Variants in MTMR7 observed in about 807,000 individuals in gnomAD.
MTMR7 encodes the protein phosphatidylinositol-3-phosphate phosphatase MTMR7.
Under a neutral mutation model 81.2 loss-of-function variants are expected in MTMR7, and 76 were observed. The observed-to-expected ratio is 0.94, with a 90% CI of 0.78 to 1.13. The LOEUF is 1.13. MTMR7 is among the 50% of genes most tolerant of loss of function. The pLI is 0.00. For missense variants in MTMR7, 1,044 were observed against 820.0 expected (o/e 1.27, Z -3.34); for synonymous variants, 372 against 289.8 (o/e 1.28, Z -2.88).
chr8:17,383,529 C>A (rs1820827003), intron 1 of MTMR7, among the ~76,000 whole-genome samples: 2 of 152,190 alleles, frequency 1.3e-5, no homozygotes, highest in South Asian at 4.1e-4. Flanking sequence ...TGTCCACTTC[C>A]CTGGATCTCT....
chr8:17,341,504 G>T lies in MTMR7; in HGVS notation c.598-7C>A. ...TGCTCCGGCAGATGGAGGCCTAGGG[G>T]GAGAGGTCACAGCAACACAGCACCA... is the stretch of plus-strand genomic sequence containing the variant. On this transcript the variant is annotated splice_polypyrimidine_tract_variant and splice_region_variant and intron_variant, in intron 5 of 13. Coordinates refer to ENST00000180173, the MANE Select transcript of MTMR7 (RefSeq NM_004686.5). 1 of 1,613,094 alleles carries T rather than the reference G, an allele frequency of 6.2e-7. No individual in the cohort carries two copies. The highest frequency in any genetic ancestry group is 8.5e-7 in the Non-Finnish European group (1 of 1,179,952).
At chr8:17,319,487 G>T (rs975309854) in intron 7 of MTMR7, among the ~76,000 whole-genome samples, 3 of 152,142 alleles carry the variant, frequency 2.0e-5, no homozygotes, top group Non-Finnish European at 2.9e-5. Flanking sequence ...CATCTCAAAT[G>T]CAAGTCTTCT....
intron 1 of MTMR7, among the ~76,000 whole-genome samples, chr8:17,395,649 T>C (rs1410575443): frequency 2.0e-5 from 3 of 152,222 alleles, no homozygotes; most frequent in African/African-American, 7.2e-5. Flanking sequence ...CTTATTGTGG[T>C]TCTGACCTGT....
chr8:17,309,141 A>G, intron 10 of MTMR7, 136 bp downstream of exon 10: 1 of 634,826 alleles, frequency 1.6e-6, no homozygotes, highest in South Asian at 1.9e-5. Flanking sequence ...TATGACATAT[A>G]CAACAAAATT....
In MTMR7 at chr8:17,361,127, C is replaced by G. The variant is rs1003928353; in HGVS notation, c.458G>C (p.Arg153Thr). ...GTTTCACGCACTCACTCTGTAGTCT[C>G]TATTCACATCGCTGAGCTGCCAGTA... ...NHYWQLSDVN[R>T]DYRVCDSYPT... The change falls in exon 4 of 14, where the codon AGA (arginine) becomes ACA (threonine). Residue 153 changes from arginine to threonine, a missense_variant. Arg to Thr is a moderately conservative substitution (Grantham distance 71). Coordinates refer to ENST00000180173, the MANE Select transcript of MTMR7 (RefSeq NM_004686.5). The G allele has an allele frequency of 3.1e-6, 5 of 1,614,028 alleles. No homozygotes were observed. The African/African-American group carries it at 6.7e-5, about 22-fold the overall frequency.
intron 4 of MTMR7, among the ~76,000 whole-genome samples, chr8:17,350,895 T>C (rs180837414): frequency 6.6e-6 from 1 of 152,206 alleles, no homozygotes; most frequent in South Asian, 2.1e-4. Context: ...GAGTTTAACA[T>C]GGCCTGTGGC....
chr8:17,307,586 T>G (rs1412149713), intron 10 of MTMR7, among the ~76,000 whole-genome samples: 2 of 151,950 alleles, frequency 1.3e-5, no homozygotes, highest in African/African-American at 4.8e-5. Context: ...CACATGCACA[T>G]GAATGTTTAT....
intron 5 of MTMR7, among the ~76,000 whole-genome samples, chr8:17,344,304 C>A (rs1023044934): frequency 3.9e-5 from 6 of 152,150 alleles, no homozygotes; most frequent in Non-Finnish European, 8.8e-5. Flanking sequence ...TCAGGCAGCA[C>A]AATACCTTAT....
intron 9 of MTMR7, among the ~76,000 whole-genome samples, chr8:17,311,205 A>G (rs950428503): frequency 6.6e-6 from 1 of 152,250 alleles, no homozygotes; most frequent in Non-Finnish European, 1.5e-5. Flanking sequence ...TGAAATACTT[A>G]TGAGCAAATG....
rs759512170 is a variant in MTMR7 at position 17,313,395 on chromosome 8, T to G, written c.872A>C (p.Glu291Ala). The change falls in exon 8 of 14, where the codon GAA (glutamate) becomes GCA (alanine). Residue 291 changes from glutamate to alanine, a missense_variant. Transcript: ENST00000180173. ...ATCACTCATGGAGGGAGATTTAAGTTCACACACTGCAAGATAAATCATGTT... is the reference window on the plus strand; with the variant it reads ...ATCACTCATGGAGGGAGATTTAAGTGCACACACTGCAAGATAAATCATGTT... Reference protein sequence around the residue: ...NSLQKMLEVCELKSPSMSDFL... With the variant: ...NSLQKMLEVCALKSPSMSDFL... 3 of 1,607,246 alleles carry G rather than the reference T, an allele frequency of 1.9e-6. No individual in the cohort carries two copies. In the African/African-American group the frequency reaches 4.0e-5, roughly 21 times the overall value.
intron 1 of MTMR7, among the ~76,000 whole-genome samples, chr8:17,404,330 T>C (rs373755057): frequency 8.6e-5 from 13 of 151,866 alleles, no homozygotes; most frequent in African/African-American, 1.9e-4. Context: ...ATCGCCGAGA[T>C]TGGAAAGAGT....
At chr8:17,409,240 C>T (rs182303055) in intron 1 of MTMR7, among the ~76,000 whole-genome samples, 1 of 152,258 alleles carries the variant, frequency 6.6e-6, no homozygotes, top group African/African-American at 2.4e-5. Flanking sequence ...AAGTGGATCA[C>T]CTGAGGTCAG....
chr8:17,323,959 T>G (rs2150515148), intron 7 of MTMR7, among the ~76,000 whole-genome samples: 1 of 152,328 alleles, frequency 6.6e-6, no homozygotes, highest in East Asian at 1.9e-4. Flanking sequence ...ACTGTCTCAG[T>G]GCACTGCAAA....
In MTMR7 at chr8:17,374,846, C is replaced by T. The variant is rs192331057; in HGVS notation, c.25-1606G>A. ...TAAATAGGCCAGGCACGGTGGCTCA[C>T]GCCTGTAATCCCAGCACTTTGATCA... On this transcript the variant is annotated intron_variant, in intron 1 of 13. Coordinates refer to ENST00000180173, the MANE Select transcript of MTMR7 (RefSeq NM_004686.5). 6.0e-3 allele frequency among the ~76,000 whole-genome samples: 909 copies of T among 151,872 alleles called. 5 individuals are homozygous for T. Among genetic ancestry groups the T allele is most frequent in the Non-Finnish European group, 9.6e-3 (649 of 67,956 alleles).
chr8:17,338,827 G>A (rs1819326195), intron 6 of MTMR7: 1 of 151,880 alleles, frequency 6.6e-6, no homozygotes, highest in Non-Finnish European at 1.5e-5. Flanking sequence ...GAATGTGAAT[G>A]TGATCTAGCT....
At chr8:17,322,968 G>C (rs1330907837) in intron 7 of MTMR7, among the ~76,000 whole-genome samples, 1 of 33,570 alleles carries the variant, frequency 3.0e-5, no homozygotes, top group Non-Finnish European at 5.3e-5. Flanking sequence ...TTTTTTTTTT[G>C]AGACAGTCTT....
intron 7 of MTMR7, chr8:17,326,311 GCAA>G (rs1330863072): frequency 2.0e-5 from 3 of 152,126 alleles, no homozygotes; most frequent in African/African-American, 2.4e-5. Flanking sequence ...GATAAGAGTG[GCAA>G]CAACAACTTC....
At chr8:17,396,816 C>G (rs1300692008) in intron 1 of MTMR7, among the ~76,000 whole-genome samples, 1 of 151,876 alleles carries the variant, frequency 6.6e-6, no homozygotes. Flanking sequence ...TGACTCCTTC[C>G]TTCTGCTTGA....
chr8:17,390,237 G>A (rs533254204), intron 1 of MTMR7, among the ~76,000 whole-genome samples: 1 of 152,130 alleles, frequency 6.6e-6, no homozygotes, highest in Non-Finnish European at 1.5e-5. Flanking sequence ...GAGGCCTCAG[G>A]AAGCTTCCAA....
Sources: allele counts gnomAD v4.1 joint callset (sites outside exome capture counted in the v4.1 genomes callset), GRCh38; gene constraint gnomAD v4.1.1; transcripts MANE v1.5; gene names NCBI Gene and HGNC (gene_info 2026-07-23, HGNC 2026-07-21).